Variants in CHCHD6 observed in about 807,000 individuals in gnomAD.
CHCHD6 encodes the protein coiled-coil-helix-coiled-coil-helix domain containing 6.
CHCHD6 carries 28 observed loss-of-function variants against 32.3 expected under a neutral mutation model. The ratio of observed to expected loss-of-function variants is 0.87; its 90% CI spans 0.64 to 1.19. CHCHD6 has a LOEUF of 1.19. CHCHD6 is among the 50% of genes most tolerant of loss of function. The pLI, the probability that CHCHD6 is intolerant of heterozygous loss-of-function variation, is 0.00. For synonymous variants in CHCHD6, 122 were observed against 117.5 expected (o/e 1.04, Z -0.25); for missense variants, 333 against 307.0 (o/e 1.08, Z -0.63).
chr3:126,815,264 G>T (rs1353822116), intron 4 of CHCHD6, among the ~76,000 whole-genome samples: 1 of 152,146 alleles, frequency 6.6e-6, no homozygotes. Context: ...TTCAGTATCA[G>T]CATTCCCCAG....
chr3:126,885,087 G>A (rs1000677744), intron 5 of CHCHD6, among the ~76,000 whole-genome samples: 1 of 152,194 alleles, frequency 6.6e-6, no homozygotes, highest in Non-Finnish European at 1.5e-5. Context: ...TAGAAAGCCA[G>A]TTCTGAGACT....
intron 4 of CHCHD6, among the ~76,000 whole-genome samples, chr3:126,834,096 A>G (rs1208523971): frequency 1.3e-5 from 2 of 150,440 alleles, no homozygotes; most frequent in African/African-American, 2.5e-5. Context: ...CAATAACGTT[A>G]CTTAATTATT....
At chr3:126,868,197 G>C (rs1209156872) in intron 5 of CHCHD6, among the ~76,000 whole-genome samples, 1 of 152,220 alleles carries the variant, frequency 6.6e-6, no homozygotes, top group Non-Finnish European at 1.5e-5. Context: ...TCAGGTCCTG[G>C]TCAACACCTG....
At chr3:126,861,369 A>C (rs1941856407) in intron 5 of CHCHD6, among the ~76,000 whole-genome samples, 2 of 151,968 alleles carry the variant, frequency 1.3e-5, no homozygotes, top group African/African-American at 4.8e-5. Context: ...CTCCTTACTG[A>C]ACTTCACTTT....
intron 6 of CHCHD6, among the ~76,000 whole-genome samples, chr3:126,948,749 G>T (rs1193351829): frequency 6.6e-6 from 1 of 152,202 alleles, no homozygotes; most frequent in Non-Finnish European, 1.5e-5. Context: ...TCCAAAAGTG[G>T]AACATATAGG....
At chr3:126,915,039 C>T (rs2078149350) in intron 6 of CHCHD6, among the ~76,000 whole-genome samples, 1 of 152,224 alleles carries the variant, frequency 6.6e-6, no homozygotes, top group Non-Finnish European at 1.5e-5. Context: ...GGCTCCTTTC[C>T]TTGTGTGGCT....
chr3:126,817,129 C>G (rs1344433881), intron 4 of CHCHD6, among the ~76,000 whole-genome samples: 1 of 152,134 alleles, frequency 6.6e-6, no homozygotes, highest in Non-Finnish European at 1.5e-5. Flanking sequence ...GCTTCTTTAC[C>G]TTAAACAATC....
At chr3:126,802,378 T>C (rs569204628) in intron 4 of CHCHD6, among the ~76,000 whole-genome samples, 2 of 152,332 alleles carry the variant, frequency 1.3e-5, no homozygotes, top group South Asian at 2.1e-4. Context: ...AAGGAGCTGA[T>C]GGAGCTGAAA....
chr3:126,860,328 T>C (rs576005366), intron 5 of CHCHD6, among the ~76,000 whole-genome samples: 3 of 152,210 alleles, frequency 2.0e-5, no homozygotes, highest in Non-Finnish European at 2.9e-5. Flanking sequence ...CAAGGGACTT[T>C]TGAAGAGTTT....
chr3:126,865,790 C>A, intron 5 of CHCHD6: 4 of 943,212 alleles, frequency 4.2e-6, no homozygotes, highest in Non-Finnish European at 5.1e-6. Context: ...TACTACTTTG[C>A]AGAAATCCTC....
chr3:126,894,486 G>C lies in CHCHD6; in HGVS notation c.496-20194G>C, dbSNP rs1404666377. 3.9e-5 allele frequency among the ~76,000 whole-genome samples: 6 copies of C among 152,352 alleles called. No homozygotes were observed. In the South Asian group the frequency reaches 8.3e-4, roughly 21 times the overall value. On this transcript the variant is annotated intron_variant, in intron 5 of 7. Transcript: ENST00000290913. Reference sequence around the variant, plus strand: ...ATGCTATTGTGCAAGGAACAGGATGGATGGGAGCAGCATTTGGAAGACAGG... The same window carrying C: ...ATGCTATTGTGCAAGGAACAGGATGCATGGGAGCAGCATTTGGAAGACAGG...
chr3:126,728,532 G>A (rs943114205), intron 2 of CHCHD6, among the ~76,000 whole-genome samples: 1 of 152,116 alleles, frequency 6.6e-6, no homozygotes, highest in African/African-American at 2.4e-5. Context: ...TGAGATTCCC[G>A]AAAACCCTCC....
chr3:126,807,128 G>C (rs1308887381), intron 4 of CHCHD6, among the ~76,000 whole-genome samples: 2 of 151,096 alleles, frequency 1.3e-5, no homozygotes, highest in African/African-American at 4.9e-5. Context: ...CAGCACACCA[G>C]CATGGCACAT....
intron 6 of CHCHD6, chr3:126,935,268 T>G (rs1293916931): frequency 4.0e-6 from 2 of 504,756 alleles, no homozygotes; most frequent in Non-Finnish European, 5.1e-6. Context: ...TTTGAGAGCC[T>G]CCCTCCCTCA....
intron 1 of CHCHD6, among the ~76,000 whole-genome samples, chr3:126,711,600 T>C (rs111936216): frequency 2.6e-5 from 4 of 152,232 alleles, no homozygotes; most frequent in South Asian, 2.1e-4. Flanking sequence ...CCTGGACTTA[T>C]GCCCTGACAC....
chr3:126,794,963 T>C (rs1214704262), intron 4 of CHCHD6, among the ~76,000 whole-genome samples: 1 of 152,150 alleles, frequency 6.6e-6, no homozygotes, highest in Non-Finnish European at 1.5e-5. Context: ...AACGGATAGA[T>C]TTGGTCCTCT....
chr3:126,706,807 G>A (rs1007821247), intron 1 of CHCHD6, among the ~76,000 whole-genome samples: 2 of 152,170 alleles, frequency 1.3e-5, no homozygotes, highest in African/African-American at 2.4e-5. Context: ...AAGATTGCCA[G>A]ATCAACAAAA....
At chr3:126,895,394 G>C (rs2077824180) in intron 5 of CHCHD6, among the ~76,000 whole-genome samples, 1 of 152,204 alleles carries the variant, frequency 6.6e-6, no homozygotes, top group South Asian at 2.1e-4. Flanking sequence ...CATTTCATCA[G>C]CAGCAGCGTC....
chr3:126,722,046 A>G (rs1935324369), intron 1 of CHCHD6, among the ~76,000 whole-genome samples: 1 of 152,220 alleles, frequency 6.6e-6, no homozygotes, highest in South Asian at 2.1e-4. Flanking sequence ...GATAATGCTG[A>G]TGTGAACACA....
Sources: gnomAD v4.1 joint callset for allele counts (sites outside exome capture counted in the v4.1 genomes callset) on GRCh38, gnomAD v4.1.1 for gene constraint, MANE v1.5 for transcripts, NCBI Gene and HGNC (gene_info 2026-07-23, HGNC 2026-07-21) for gene names.